The following MUC7 variants were observed in gnomAD, a reference collection of about 807,000 sequenced individuals.
The protein encoded by MUC7 is mucin 7, secreted.
In MUC7, 2 loss-of-function variants were observed where a neutral mutation model predicts 2.5. That is an observed-to-expected ratio of 0.81 (90% CI 0.33 to 2.55). The LOEUF is 2.55. Among genes scored for constraint, MUC7 ranks in the 30% most tolerant of loss-of-function variants. The probability of loss-of-function intolerance (pLI) is 0.11; values close to 1 mark genes in which losing one functional copy is unlikely to be tolerated. For synonymous variants in MUC7, 133 were observed against 173.4 expected, an observed-to-expected ratio of 0.77 and a Z score of 1.83; for missense variants, 408 against 455.6, an observed-to-expected ratio of 0.90 and a Z score of 0.95.
intron 2 of MUC7, among the ~76,000 whole-genome samples, chr4:70,480,360 G>A (rs193053760): frequency 2.6e-4 from 39 of 152,300 alleles, no homozygotes; most frequent in African/African-American, 9.4e-4. Context: ...GATGATGGTA[G>A]ATATGAGGGG....
At chr4:70,444,447 C>T (rs138913720) in intron 1 of MUC7, among the ~76,000 whole-genome samples, 1 of 152,316 alleles carries the variant, frequency 6.6e-6, no homozygotes, top group Non-Finnish European at 1.5e-5. Flanking sequence ...CTCCTTACAA[C>T]TATCACAACA....
chr4:70,482,043 T>A lies in MUC7; in HGVS notation c.*165T>A. 1.1e-6 allele frequency: 1 copy of A among 892,532 alleles called. No individual in the cohort carries two copies. Among genetic ancestry groups the A allele is most frequent in the Non-Finnish European group, 1.6e-6 (1 of 607,232 alleles). 55.3% of individuals were successfully genotyped at this position (892,532 alleles called of 1,614,324 possible). ...AATTATTCACCACCACAAGACCTAT[T>A]AACAAGACAAAATGCCTCTATCCCA... On this transcript the variant is annotated 3_prime_UTR_variant, in exon 3 of 3. Transcript: ENST00000304887.
chr4:70,452,927 C>T (rs945931963), intron 1 of MUC7, among the ~76,000 whole-genome samples: 3 of 152,152 alleles, frequency 2.0e-5, no homozygotes, highest in African/African-American at 7.2e-5. Flanking sequence ...GTCTCTATTC[C>T]TCTTTCATGT....
chr4:70,440,535 A>G (rs1271827397), intron 1 of MUC7, among the ~76,000 whole-genome samples: 5 of 152,322 alleles, frequency 3.3e-5, no homozygotes, highest in African/African-American at 1.2e-4. Flanking sequence ...AACATTTGAT[A>G]GATCAGTAAG....
chr4:70,474,104 C>G, intron 2 of MUC7, 29 bp downstream of exon 2: 7 of 1,595,990 alleles, frequency 4.4e-6, no homozygotes, highest in Non-Finnish European at 6.0e-6. Flanking sequence ...AAGTTTTTTC[C>G]TTAACTATCA....
chr4:70,470,626 T>C (rs945883715), upstream of MUC7, among the ~76,000 whole-genome samples: 2 of 152,156 alleles, frequency 1.3e-5, no homozygotes, highest in Non-Finnish European at 2.9e-5. Flanking sequence ...TTATCACTAA[T>C]TGGGTAATAG....
At chr4:70,480,207 A>C (rs1735125001) in intron 2 of MUC7, among the ~76,000 whole-genome samples, 1 of 152,258 alleles carries the variant, frequency 6.6e-6, no homozygotes, top group Non-Finnish European at 1.5e-5. Flanking sequence ...TTTTTTAAAC[A>C]ATAAAGTTAA....
intron 1 of MUC7, among the ~76,000 whole-genome samples, chr4:70,464,184 G>A (rs759978271): frequency 3.0e-4 from 46 of 152,142 alleles, no homozygotes; most frequent in Non-Finnish European, 6.0e-4. Context: ...AAGCCATGAG[G>A]GACTGTGCCA....
At chr4:70,453,346 T>G (rs933169884) in intron 1 of MUC7, among the ~76,000 whole-genome samples, 1 of 152,188 alleles carries the variant, frequency 6.6e-6, no homozygotes, top group African/African-American at 2.4e-5. Context: ...AACCACGAAA[T>G]GCAGTCCTTT....
intron 1 of MUC7, among the ~76,000 whole-genome samples, chr4:70,431,414 T>C (rs1427565892): frequency 6.6e-6 from 1 of 152,124 alleles, no homozygotes; most frequent in Non-Finnish European, 1.5e-5. Context: ...AAAGAGTTCA[T>C]GGTAGATGAA....
chr4:70,461,702 A>C lies in MUC7; in HGVS notation c.-92-10513A>C, dbSNP rs139118892. 3.3e-5 allele frequency among the ~76,000 whole-genome samples: 5 copies of C among 152,320 alleles called. No individual in the cohort carries two copies. The East Asian group carries it at 9.7e-4, about 29-fold the overall frequency. On this transcript the variant is annotated intron_variant, in intron 1 of 3. Coordinates refer to the MUC7 transcript ENST00000413702. The stretch of plus-strand genomic sequence containing the variant: ...TCTCAATGAGGAAGAGCCTTACTCA[A>C]GGGAAAGACACAGAGCTCTCCGCTT...
chr4:70,432,212 G>A lies in MUC7; in HGVS notation c.-93+1525G>A, dbSNP rs914752078. ...GAATAGCGCCACAATAAGCATACCT[G>A]TGCATGTGTCTTTATAGCAGCATGA... On this transcript the variant is annotated intron_variant, in intron 1 of 3. Transcript: ENST00000413702. Among the ~76,000 whole-genome samples the A allele has an allele frequency of 1.8e-4, 27 of 152,202 alleles. 1 individual carries two copies. The highest frequency in any genetic ancestry group is 6.5e-4 in the African/African-American group (27 of 41,460).
At chr4:70,466,383 C>T (rs576315965) in intron 1 of MUC7, among the ~76,000 whole-genome samples, 7 of 152,162 alleles carry the variant, frequency 4.6e-5, no homozygotes, top group South Asian at 2.1e-4. Context: ...AACATCATAA[C>T]GACAGGATCA....
chr4:70,456,765 G>T (rs1436038756), intron 1 of MUC7, among the ~76,000 whole-genome samples: 1 of 152,094 alleles, frequency 6.6e-6, no homozygotes, highest in Non-Finnish European at 1.5e-5. Context: ...AAAAAGTTGT[G>T]AAATATGTCA....
chr4:70,445,872 T>C (rs1341912722), intron 1 of MUC7, among the ~76,000 whole-genome samples: 1 of 152,232 alleles, frequency 6.6e-6, no homozygotes, highest in Admixed American at 6.5e-5. Context: ...ACGGAACAAC[T>C]GCCAAGTTTC....
rs1560552621 is a variant in MUC7 at position 70,462,237 on chromosome 4, G to C, written c.-92-9978G>C. Reference sequence around the variant, plus strand: ...AAAAAAAAAGAAAGAGAGAGAGAGAGAGAGAGAGAAAGATTAACAAGCTAA... The same window carrying C: ...AAAAAAAAAGAAAGAGAGAGAGAGACAGAGAGAGAAAGATTAACAAGCTAA... On this transcript the variant is annotated intron_variant, in intron 1 of 3. Transcript: ENST00000413702. Among the ~76,000 whole-genome samples the C allele has an allele frequency of 3.3e-5, 5 of 151,978 alleles. No homozygotes were observed. In the South Asian group the frequency reaches 1.0e-3, roughly 32 times the overall value.
chr4:70,460,400 A>G (rs1734525635), intron 1 of MUC7, among the ~76,000 whole-genome samples: 1 of 152,188 alleles, frequency 6.6e-6, no homozygotes, highest in African/African-American at 2.4e-5. Context: ...AGTGAGAAGC[A>G]AGAGCAAAAA....
chr4:70,448,513 T>C (rs889373380), intron 1 of MUC7, among the ~76,000 whole-genome samples: 1 of 152,222 alleles, frequency 6.6e-6, no homozygotes, highest in African/African-American at 2.4e-5. Flanking sequence ...TGCATTTCTC[T>C]GAAGATCAGT....
intron 1 of MUC7, among the ~76,000 whole-genome samples, chr4:70,455,024 C>T (rs1185225378): frequency 6.6e-6 from 1 of 151,880 alleles, no homozygotes; most frequent in African/African-American, 2.4e-5. Context: ...TATTTATTTC[C>T]ATTTATATTT....
Sources: gnomAD v4.1 joint callset for allele counts (sites outside exome capture counted in the v4.1 genomes callset) on GRCh38, gnomAD v4.1.1 for gene constraint, MANE v1.5 for transcripts, NCBI Gene and HGNC (gene_info 2026-07-23, HGNC 2026-07-21) for gene names.